The following SLC3A2 variants were observed in gnomAD, a reference collection of about 807,000 sequenced individuals.
The protein encoded by SLC3A2 is solute carrier family 3 member 2, also known as amino acid transporter heavy chain SLC3A2.
A neutral mutation model predicts 48.5 loss-of-function variants in SLC3A2; 32 were observed. The observed-to-expected ratio is 0.66, with a 90% confidence interval of 0.50 to 0.89. SLC3A2 has a LOEUF of 0.89. SLC3A2 is among the 40% of genes least tolerant of loss of function. The probability of loss-of-function intolerance (pLI) is 0.00; values close to 1 mark genes in which losing one functional copy is unlikely to be tolerated. For missense variants in SLC3A2, 587 were observed against 680.7 expected (o/e 0.86, Z 1.53); for synonymous variants, 277 against 288.8 (o/e 0.96, Z 0.41).
chr11:62,863,485 G>A (rs1402077680), intron 1 of SLC3A2, among the ~76,000 whole-genome samples: 1 of 152,200 alleles, frequency 6.6e-6, no homozygotes, highest in Non-Finnish European at 1.5e-5. Context: ...AAACAGGCAT[G>A]AGCCACTATA....
intron 1 of SLC3A2, chr11:62,871,624 T>G (rs2085518088): frequency 1.5e-6 from 1 of 663,032 alleles, no homozygotes; most frequent in African/African-American, 1.8e-5. Context: ...ACTCTTGGCC[T>G]CAAGTGATCC....
rs549245327 is a variant in SLC3A2, at chr11:62,867,411, C to T, written c.112+11030C>T. ...CCCGACCTTGGCTCACTGCACTCTC[C>T]GCCTCCCGGGTTCAAGCTATTCTCC... On this transcript the variant is annotated intron_variant, in intron 1 of 9. Coordinates refer to the SLC3A2 transcript ENST00000377889. Among the ~76,000 whole-genome samples, 47 of 149,088 alleles carry T rather than the reference C, an allele frequency of 3.2e-4. 1 individual carries two copies. The South Asian group carries it at 9.2e-3, about 29-fold the overall frequency.
intron 1 of SLC3A2, chr11:62,870,827 C>T (rs755092097): frequency 3.3e-5 from 7 of 213,938 alleles, no homozygotes; most frequent in South Asian, 1.2e-4. Flanking sequence ...CCCAGAATGC[C>T]GAGATGATAG....
At position 62,885,527 on chromosome 11, in the gene SLC3A2, G is replaced by A. The variant is rs1322868760; in HGVS notation, c.1062G>A (p.Leu354=). 17 of 1,614,200 alleles carry A rather than the reference G, an allele frequency of 1.1e-5. No individual in the cohort carries two copies. The highest frequency in any genetic ancestry group is 1.4e-5 in the Non-Finnish European group (17 of 1,180,044). Residue 354 remains leucine, a synonymous_variant, in exon 7 of 9, where the codon CTG becomes CTA. Coordinates refer to ENST00000338663, the MANE Select transcript of SLC3A2 (RefSeq NM_001013251.3). ...LPAQLLRLYQ[L]MLFTLPGTPV... Reference sequence around the variant, plus strand: ...CTCAACTTCTCCGACTCTACCAGCTGATGCTCTTCACCCTGCCAGGGACCC... The same window carrying A: ...CTCAACTTCTCCGACTCTACCAGCTAATGCTCTTCACCCTGCCAGGGACCC...
chr11:62,888,279 T>G, intron 8 of SLC3A2, 52 bp from the exon 9 acceptor site: 1 of 1,609,814 alleles, frequency 6.2e-7, no homozygotes, highest in South Asian at 1.1e-5. Flanking sequence ...TGTAGAAGTC[T>G]GTACCCAGGG....
chr11:62,856,441 A>G, intron 1 of SLC3A2: 1 of 1,442,562 alleles, frequency 6.9e-7, no homozygotes, highest in South Asian at 1.2e-5. Context: ...ATTTCGGGAA[A>G]GTATGTCAGG....
chr11:62,859,268 T>C (rs1255206657), intron 1 of SLC3A2, among the ~76,000 whole-genome samples: 1 of 152,154 alleles, frequency 6.6e-6, no homozygotes, highest in Non-Finnish European at 1.5e-5. Context: ...CAAGCATCTG[T>C]TTAACAAAGC....
rs1207889558 is a variant in SLC3A2, at chr11:62,881,818, G to T, written c.425-75G>T. On this transcript the variant is annotated intron_variant, in intron 1 of 8. Transcript: ENST00000338663. This position sits in a 1 kb window ranked among gnomAD's most constrained non-coding sequence, Gnocchi z 4.0. ...CCCCCTCCCCGTCCCACCCTTAGGC[G>T]CTGGGAGAAGGGAGGGTGGGGAGGT... is the stretch of plus-strand genomic sequence containing the variant. 2.6e-6 allele frequency: 4 copies of T among 1,539,902 alleles called. No individual in the cohort carries two copies. The highest frequency in any genetic ancestry group is 1.4e-5 in the African/African-American group (1 of 72,696).
At position 62,881,224 on chromosome 11, in the gene SLC3A2, G is replaced by A. The variant is rs913508401; in HGVS notation, c.201G>A (p.Glu67=). Residue 67 remains glutamate (E), a synonymous_variant, in exon 1 of 9, where the codon GAG becomes GAA. Coordinates refer to ENST00000338663, the MANE Select transcript of SLC3A2 (RefSeq NM_001013251.3). This position sits in a 1 kb window ranked among gnomAD's most constrained non-coding sequence, Gnocchi z 4.0. ...AAKFTGLSKE[E]LLKVAGSPGW... ...AGTTCACGGGCCTGTCCAAGGAGGA[G>A]CTGCTGAAGGTGGCAGGCAGCCCCG... 6 of 1,587,302 alleles carry A rather than the reference G, an allele frequency of 3.8e-6. No homozygotes were observed. The highest frequency in any genetic ancestry group is 5.1e-6 in the Non-Finnish European group (6 of 1,168,450).
At chr11:62,862,258 G>A (rs563052622) in intron 1 of SLC3A2, among the ~76,000 whole-genome samples, 33 of 134,410 alleles carry the variant, frequency 2.5e-4, no homozygotes, top group Admixed American at 1.7e-3. Context: ...TGGAGGCAAC[G>A]ATGAGCTCAT....
intron 1 of SLC3A2, among the ~76,000 whole-genome samples, chr11:62,858,425 A>C (rs981005098): frequency 2.0e-5 from 3 of 152,178 alleles, no homozygotes; most frequent in African/African-American, 7.2e-5. Context: ...TGTTGAATTT[A>C]AAATTTTTTG....
At position 62,881,057 on chromosome 11, in the gene SLC3A2, G is replaced by A. The variant is rs1344580039; in HGVS notation, c.34G>A (p.Val12Met). The change falls in exon 1 of 9, where the codon GTG (valine) becomes ATG (methionine). Residue 12 changes from valine (V) to methionine (M), a missense_variant. Coordinates refer to ENST00000338663, the MANE Select transcript of SLC3A2 (RefSeq NM_001013251.3). This position sits in a 1 kb window ranked among gnomAD's most constrained non-coding sequence, Gnocchi z 4.0. The part of the protein sequence containing the change: ...SQDTEVDMKE[V>M]ELNELEPEKQ... Reference sequence around the variant, plus strand: ...GGACACCGAGGTGGATATGAAGGAGGTGGAGCTGAATGAGTTAGAGCCCGA... The same window carrying A: ...GGACACCGAGGTGGATATGAAGGAGATGGAGCTGAATGAGTTAGAGCCCGA... 1 of 1,596,602 alleles carries A rather than the reference G, an allele frequency of 6.3e-7. No homozygotes were observed.
At chr11:62,864,687 CGACCTCCT>C (rs1187719688) in intron 1 of SLC3A2, among the ~76,000 whole-genome samples, 1 of 151,672 alleles carries the variant, frequency 6.6e-6, no homozygotes, top group Non-Finnish European at 1.5e-5. Flanking sequence ...AGGATGGTGT[CGACCTCCT>C]GACCTCGTGA....
intron 1 of SLC3A2, among the ~76,000 whole-genome samples, chr11:62,862,298 C>T (rs1487079121): frequency 3.1e-5 from 4 of 130,216 alleles, no homozygotes; most frequent in African/African-American, 1.2e-4. Context: ...CACGCCATTG[C>T]ACTCCAGCCT....
intron 2 of SLC3A2, 50 bp from the exon 3 acceptor site, chr11:62,882,858 C>T (rs1474557403): frequency 8.4e-6 from 12 of 1,422,906 alleles, no homozygotes; most frequent in Middle Eastern, 1.7e-4. Flanking sequence ...TCCTTATTTT[C>T]CCTTAACTCA....
At position 62,884,457 on chromosome 11, in the gene SLC3A2, G is replaced by A; in HGVS notation, c.691G>A (p.Asp231Asn). ...TCCTTTATTCTTCTGCCCCCTATAGGATGCTCTGGAGTTTTGGCTGCAAGC... is the reference window on the plus strand; with the variant it reads ...TCCTTTATTCTTCTGCCCCCTATAGAATGCTCTGGAGTTTTGGCTGCAAGC... Reference protein sequence around the residue: ...QVDTVATKVKDALEFWLQAGV... With the variant: ...QVDTVATKVKNALEFWLQAGV... Residue 231 changes from aspartate to asparagine, a missense_variant and splice_region_variant, in exon 4 of 9, where the codon GAT becomes AAT. Around this residue, in one of 3 missense-constraint regions of SLC3A2, gnomAD observed 409 missense variants for 446.7 expected, o/e 0.92. Transcript: ENST00000338663. 6.2e-7 allele frequency: 1 copy of A among 1,614,182 alleles called. No individual in the cohort carries two copies. Among genetic ancestry groups the A allele is most frequent in the Non-Finnish European group, 8.5e-7 (1 of 1,180,044 alleles).
At position 62,885,451 on chromosome 11, in the gene SLC3A2, GTC is replaced by G. The variant is rs2085699601; in HGVS notation, c.1000-9_1000-8del. ...GGTGGGTTATGGGGCTCACTGGAGT[GTC>G]TCTCCCTGTAGTTGTCTCAGGCAAG... On this transcript the variant is annotated splice_polypyrimidine_tract_variant and intron_variant, in intron 6 of 8. Coordinates refer to ENST00000338663, the MANE Select transcript of SLC3A2 (RefSeq NM_001013251.3). 2 of 1,614,156 alleles carry G rather than the reference GTC, an allele frequency of 1.2e-6. No individual in the cohort carries two copies. The highest frequency in any genetic ancestry group is 1.7e-6 in the Non-Finnish European group (2 of 1,180,018).
intron 1 of SLC3A2, among the ~76,000 whole-genome samples, chr11:62,861,955 GC>G (rs1008609503): frequency 1.8e-4 from 17 of 96,218 alleles, no homozygotes; most frequent in Admixed American, 3.6e-4. Context: ...TCCCACTTCA[GC>G]TCACAATCAG....
chr11:62,882,345 A>C (rs1590633841), intron 2 of SLC3A2: 2 of 381,624 alleles, frequency 5.2e-6, no homozygotes, highest in East Asian at 1.0e-4. Context: ...TTAAACTTGT[A>C]AAACAGTAGG....
Sources: allele counts gnomAD v4.1 joint callset (sites outside exome capture counted in the v4.1 genomes callset), GRCh38; gene constraint gnomAD v4.1.1; regional missense constraint gnomAD v4.1.1; non-coding constraint Gnocchi (gnomAD v3.1); transcripts MANE v1.5; gene names NCBI Gene and HGNC (gene_info 2026-07-23, HGNC 2026-07-21).